Variants in CLEC16A observed in about 807,000 individuals in gnomAD.
CLEC16A encodes protein CLEC16A.
In CLEC16A, 51 loss-of-function variants were observed where a neutral mutation model predicts 109.5. That is an observed-to-expected ratio of 0.47 (90% CI 0.37 to 0.59). The LOEUF (loss-of-function observed/expected upper bound fraction) is 0.59, where lower values mean the gene tolerates loss of function less well. CLEC16A is among the 20% of genes least tolerant of loss of function. CLEC16A has a pLI of 0.00. For synonymous variants in CLEC16A, 673 were observed against 564.2 expected (o/e 1.19, Z -2.73); for missense variants, 1,339 against 1,394.0 (o/e 0.96, Z 0.63).
chr16:11,024,616 C>G (rs2046304309), intron 12 of CLEC16A: 3 of 499,574 alleles, frequency 6.0e-6, no homozygotes, highest in African/African-American at 1.9e-5. Context: ...GTTCCTTGGT[C>G]AGGTTCCCCT....
chr16:11,098,149 C>A (rs552489387), intron 19 of CLEC16A, among the ~76,000 whole-genome samples: 1 of 152,208 alleles, frequency 6.6e-6, no homozygotes, highest in Non-Finnish European at 1.5e-5. Context: ...TGGGAGCCAC[C>A]GCTCTAGGGA....
At chr16:11,099,952 A>C (rs1207860580) in intron 19 of CLEC16A, among the ~76,000 whole-genome samples, 1 of 152,076 alleles carries the variant, frequency 6.6e-6, no homozygotes. Context: ...ATTCTTACCT[A>C]TCTAGCCAGA....
At chr16:10,973,591 C>A (rs1006624787) in intron 7 of CLEC16A, among the ~76,000 whole-genome samples, 3 of 151,862 alleles carry the variant, frequency 2.0e-5, no homozygotes, top group Non-Finnish European at 4.4e-5. Flanking sequence ...TTTTTTGAGA[C>A]AGAGTATTGC....
intron 22 of CLEC16A, among the ~76,000 whole-genome samples, chr16:11,152,141 G>A (rs552728249): frequency 5.9e-5 from 9 of 152,310 alleles, no homozygotes; most frequent in African/African-American, 2.2e-4. Flanking sequence ...TGCGCGGAAG[G>A]ATAAATTTAG....
At chr16:11,105,141 T>G (rs940927822) in intron 19 of CLEC16A, among the ~76,000 whole-genome samples, 1 of 152,206 alleles carries the variant, frequency 6.6e-6, no homozygotes, top group South Asian at 2.1e-4. Context: ...AATTATGCAA[T>G]GTACTATGCA....
chr16:11,053,533 G>C (rs2048056880), intron 18 of CLEC16A, among the ~76,000 whole-genome samples: 1 of 152,032 alleles, frequency 6.6e-6, no homozygotes, highest in Admixed American at 6.6e-5. Flanking sequence ...ACCACACTCG[G>C]CTAATTTTTG....
rs114417569 is a variant in CLEC16A at position 11,015,697 on chromosome 16, G to A, written c.1304-4496G>A. 5.1e-3 allele frequency among the ~76,000 whole-genome samples: 781 copies of A among 152,334 alleles called. 7 individuals carry two copies. Among genetic ancestry groups the A allele is most frequent in the African/African-American group, 0.018 (738 of 41,570 alleles). The stretch of plus-strand genomic sequence containing the variant: ...TTGTCTTCACCCTCTTCTCTGCTCC[G>A]GAATTCTGCTGGTGTCCAACGAGAT... On this transcript the variant is annotated intron_variant, in intron 11 of 23. Transcript: ENST00000409790.
chr16:11,020,733 C>A (rs985087429), intron 12 of CLEC16A, among the ~76,000 whole-genome samples: 1 of 152,246 alleles, frequency 6.6e-6, no homozygotes, highest in Admixed American at 6.5e-5. Context: ...AAACACATAC[C>A]CCATCTATAG....
At chr16:11,052,956 C>T (rs935630041) in intron 18 of CLEC16A, among the ~76,000 whole-genome samples, 27 of 152,010 alleles carry the variant, frequency 1.8e-4, no homozygotes, top group African/African-American at 5.6e-4. Flanking sequence ...TGCAGTGTTG[C>T]GATCATAGCT....
intron 10 of CLEC16A, among the ~76,000 whole-genome samples, chr16:10,986,479 A>C (rs1415863926): frequency 6.6e-6 from 1 of 152,174 alleles, no homozygotes; most frequent in Non-Finnish European, 1.5e-5. Flanking sequence ...TCAGAAGTAC[A>C]ATGTGCTATC....
At chr16:10,969,923 G>A (rs948676929) in intron 4 of CLEC16A, among the ~76,000 whole-genome samples, 1 of 152,166 alleles carries the variant, frequency 6.6e-6, no homozygotes, top group Non-Finnish European at 1.5e-5. Context: ...TGTCTTCAAA[G>A]TGCCAGTATG....
Position 11,042,339 on chromosome 16 carries a change from G to T in CLEC16A, c.1746G>T (p.Lys582Asn). 1 of 1,590,152 alleles carries T rather than the reference G, an allele frequency of 6.3e-7. No individual in the cohort carries two copies. Among genetic ancestry groups the T allele is most frequent in the African/African-American group, 1.3e-5 (1 of 74,562 alleles). ...QVLMSAGCIMKDVHLACLEGA... is the reference protein window; with the variant it reads ...QVLMSAGCIMNDVHLACLEGA... The stretch of plus-strand genomic sequence containing the variant: ...TGATGAGTGCTGGCTGCATCATGAA[G>T]GACGTGCACCTGGCCTGCCTGGAGG... The change falls in exon 15 of 24, where the codon AAG (lysine) becomes AAT (asparagine). Residue 582 changes from lysine to asparagine, a missense_variant. Physicochemically the swap from Lys to Asn is moderately conservative, Grantham distance 94. Around this residue, in one of 3 missense-constraint regions of CLEC16A, gnomAD observed 1,061 missense variants for 1,006.8 expected, o/e 1.05. Transcript: ENST00000409790.
At chr16:11,118,446 T>G (rs1015783242) in intron 19 of CLEC16A, among the ~76,000 whole-genome samples, 1 of 152,178 alleles carries the variant, frequency 6.6e-6, no homozygotes, top group Non-Finnish European at 1.5e-5. Flanking sequence ...TGCCCATCCA[T>G]GTACAACATC....
intron 10 of CLEC16A, 126 bp downstream of exon 10, chr16:10,983,117 C>T (rs1015551786): frequency 4.7e-5 from 28 of 589,776 alleles, no homozygotes; most frequent in South Asian, 2.0e-4. Flanking sequence ...TAAGCTGGTC[C>T]GGGATTCAGT....
intron 22 of CLEC16A, among the ~76,000 whole-genome samples, chr16:11,140,897 G>A (rs1024499199): frequency 1.3e-5 from 2 of 152,218 alleles, no homozygotes; most frequent in Non-Finnish European, 2.9e-5. Flanking sequence ...CTGAGCCTCT[G>A]TGTCCCCTTC....
At chr16:11,059,735 A>G (rs1273256448) in intron 18 of CLEC16A, among the ~76,000 whole-genome samples, 1 of 151,812 alleles carries the variant, frequency 6.6e-6, no homozygotes, top group Admixed American at 6.6e-5. Context: ...TGTCCCCCCA[A>G]CCCCACTGTG....
chr16:11,146,260 C>G (rs1336917342), intron 22 of CLEC16A, among the ~76,000 whole-genome samples: 1 of 152,170 alleles, frequency 6.6e-6, no homozygotes, highest in Non-Finnish European at 1.5e-5. Flanking sequence ...ATTTTCTACT[C>G]CTTGACTGGC....
chr16:11,042,006 C>A, intron 14 of CLEC16A: 1 of 474,502 alleles, frequency 2.1e-6, no homozygotes, highest in South Asian at 2.8e-5. Flanking sequence ...CTTTTTCCTG[C>A]ACCCTGTCAG....
At chr16:10,992,736 C>A (rs2044101714) in intron 10 of CLEC16A, among the ~76,000 whole-genome samples, 1 of 151,966 alleles carries the variant, frequency 6.6e-6, no homozygotes, top group African/African-American at 2.4e-5. Context: ...AAGTTGCAGG[C>A]AGGTGCTGTG....
Sources: allele counts gnomAD v4.1 joint callset (sites outside exome capture counted in the v4.1 genomes callset), GRCh38; gene constraint gnomAD v4.1.1; regional missense constraint gnomAD v4.1.1; transcripts MANE v1.5; gene names NCBI Gene and HGNC (gene_info 2026-07-23, HGNC 2026-07-21).